CNBD1: variants seen among roughly 807,000 people sequenced by gnomAD.
The protein encoded by CNBD1 is cyclic nucleotide-binding domain-containing protein 1.
In CNBD1, 71 loss-of-function variants were observed where a neutral mutation model predicts 54.4. That is an observed-to-expected ratio of 1.30 (90% CI 1.08 to 1.59). The LOEUF is 1.59. CNBD1 is among the 40% of genes most tolerant of loss of function. CNBD1 has a pLI of 0.00. For synonymous variants in CNBD1, 182 were observed against 170.7 expected, an observed-to-expected ratio of 1.07 and a Z score of -0.51; for missense variants, 659 against 518.0, an observed-to-expected ratio of 1.27 and a Z score of -2.64.
rs73689983 is a variant in CNBD1, at chr8:86,997,452, G to C, written c.431+57698G>C. Among the ~76,000 whole-genome samples, 831 of 152,270 alleles carry C rather than the reference G, an allele frequency of 5.5e-3. 12 individuals are homozygous for C. The highest frequency in any genetic ancestry group is 0.019 in the African/African-American group (774 of 41,566). ...AATTTGTCAGTATTCACAATCCTTTGATTTGGTATTTCAGACTTTTAGTCC... is the reference window on the plus strand; with the variant it reads ...AATTTGTCAGTATTCACAATCCTTTCATTTGGTATTTCAGACTTTTAGTCC... On this transcript the variant is annotated intron_variant, in intron 4 of 10. Transcript: ENST00000518476.
At chr8:87,014,794 TAAA>T (rs200638035) in intron 4 of CNBD1, among the ~76,000 whole-genome samples, 1 of 141,254 alleles carries the variant, frequency 7.1e-6, no homozygotes, top group Admixed American at 7.1e-5. Context: ...TAAAACAAGG[TAAA>T]AAAAAAAAAT....
intron 4 of CNBD1, among the ~76,000 whole-genome samples, chr8:86,946,001 G>C (rs1392818964): frequency 6.6e-6 from 1 of 152,094 alleles, no homozygotes; most frequent in Admixed American, 6.5e-5. Context: ...ATGATCTTGG[G>C]CAAATTTCTA....
intron 4 of CNBD1, among the ~76,000 whole-genome samples, chr8:87,081,620 C>T (rs993263137): frequency 4.0e-5 from 6 of 151,780 alleles, no homozygotes; most frequent in African/African-American, 9.7e-5. Context: ...ATTCTCCTGC[C>T]GCAGCCTCCT....
In CNBD1 at chr8:87,137,310, C is replaced by CCT. The variant is rs1386357953; in HGVS notation, c.432-68681_432-68680dup. On this transcript the variant is annotated intron_variant, in intron 4 of 10. Transcript: ENST00000518476. ...CTCCTGGGTTCACACTATTCTCCTG[C>CCT]CTCAGCCTCCCGAGTAGCTGGGACT... Among the ~76,000 whole-genome samples the CCT allele has an allele frequency of 2.7e-5, 4 of 150,864 alleles. No individual in the cohort carries two copies. In the East Asian group the frequency reaches 7.8e-4, roughly 29 times the overall value.
chr8:87,106,701 A>C (rs1354193023), intron 4 of CNBD1, among the ~76,000 whole-genome samples: 1 of 152,092 alleles, frequency 6.6e-6, no homozygotes, highest in Non-Finnish European at 1.5e-5. Flanking sequence ...TACAAACCAC[A>C]CTTAACTATG....
At chr8:87,219,033 G>A (rs556100695) in intron 5 of CNBD1, among the ~76,000 whole-genome samples, 1 of 151,922 alleles carries the variant, frequency 6.6e-6, no homozygotes, top group African/African-American at 2.4e-5. Flanking sequence ...ATAAGAAACT[G>A]TTTTCCTTCT....
chr8:87,269,625 G>T (rs1808324557), intron 6 of CNBD1, among the ~76,000 whole-genome samples: 1 of 151,966 alleles, frequency 6.6e-6, no homozygotes, highest in Non-Finnish European at 1.5e-5. Flanking sequence ...TCATTGTGAA[G>T]ATCTTTTACC....
intron 4 of CNBD1, among the ~76,000 whole-genome samples, chr8:87,200,139 G>C (rs1308276349): frequency 6.6e-6 from 1 of 152,100 alleles, no homozygotes; most frequent in African/African-American, 2.4e-5. Context: ...CCAGCACAAA[G>C]ATAATGGGAA....
chr8:86,869,502 A>G (rs1304299120), intron 1 of CNBD1, among the ~76,000 whole-genome samples: 1 of 152,202 alleles, frequency 6.6e-6, no homozygotes, highest in African/African-American at 2.4e-5. Context: ...TGACTCTGAA[A>G]TTCAGACTCA....
At chr8:86,948,447 C>A (rs966625274) in intron 4 of CNBD1, among the ~76,000 whole-genome samples, 1 of 152,222 alleles carries the variant, frequency 6.6e-6, no homozygotes, top group Non-Finnish European at 1.5e-5. Flanking sequence ...GGATATAAAC[C>A]ATTTAAACTA....
intron 2 of CNBD1, among the ~76,000 whole-genome samples, chr8:87,409,814 G>A (rs1024029354): frequency 6.6e-6 from 1 of 152,000 alleles, no homozygotes; most frequent in East Asian, 1.9e-4. Context: ...CCAGATCTCA[G>A]GAATTCCAGA....
At chr8:86,869,796 T>G (rs999566785) in intron 1 of CNBD1, among the ~76,000 whole-genome samples, 7 of 152,288 alleles carry the variant, frequency 4.6e-5, no homozygotes, top group East Asian at 1.9e-4. Context: ...TGACCCATTA[T>G]TTTTATAAGT....
rs554754925 is a variant in CNBD1 at position 87,269,475 on chromosome 8, T to G, written c.772-15203T>G. Among the ~76,000 whole-genome samples the G allele has an allele frequency of 4.0e-3, 613 of 152,276 alleles. 5 individuals are homozygous for G. The highest frequency in any genetic ancestry group is 0.031 in the South Asian group (150 of 4,834). On this transcript the variant is annotated intron_variant, in intron 6 of 10. Coordinates refer to ENST00000518476, the MANE Select transcript of CNBD1 (RefSeq NM_173538.3). ...CTGTGAAAAAATGATGTTGGTAGTT[T>G]CATAGGAATAGCATTGACTATAATT...
chr8:87,332,446 G>T (rs1809855866), intron 8 of CNBD1, among the ~76,000 whole-genome samples: 1 of 151,910 alleles, frequency 6.6e-6, no homozygotes, highest in African/African-American at 2.4e-5. Flanking sequence ...CATAATAAAA[G>T]ATTTACCCAT....
chr8:86,945,557 A>G (rs937873667), intron 4 of CNBD1, among the ~76,000 whole-genome samples: 1 of 152,176 alleles, frequency 6.6e-6, no homozygotes, highest in Non-Finnish European at 1.5e-5. Context: ...AAAGAAAAAC[A>G]CTTTGTGGGG....
chr8:86,916,218 G>A (rs541472571), intron 3 of CNBD1, among the ~76,000 whole-genome samples: 1 of 152,176 alleles, frequency 6.6e-6, no homozygotes, highest in Non-Finnish European at 1.5e-5. Flanking sequence ...ACTGAGGCAA[G>A]TTTTAGAGCA....
At chr8:86,933,615 A>G (rs1263464596) in intron 3 of CNBD1, among the ~76,000 whole-genome samples, 1 of 152,186 alleles carries the variant, frequency 6.6e-6, no homozygotes, top group Non-Finnish European at 1.5e-5. Context: ...ATTCAGGATA[A>G]TGGTTACTTA....
At chr8:87,123,527 A>G (rs1423978527) in intron 4 of CNBD1, among the ~76,000 whole-genome samples, 3 of 151,812 alleles carry the variant, frequency 2.0e-5, no homozygotes, top group African/African-American at 4.8e-5. Context: ...AGCAGTCCTA[A>G]TAAGGACATT....
chr8:87,357,182 T>A (rs1040895789), intron 10 of CNBD1, among the ~76,000 whole-genome samples: 2 of 152,148 alleles, frequency 1.3e-5, no homozygotes, highest in African/African-American at 4.8e-5. Context: ...AGAGCCTCTA[T>A]AAGAGAAGTG....
Sources: gnomAD v4.1 joint callset for allele counts (sites outside exome capture counted in the v4.1 genomes callset) on GRCh38, gnomAD v4.1.1 for gene constraint, MANE v1.5 for transcripts, NCBI Gene and HGNC (gene_info 2026-07-23, HGNC 2026-07-21) for gene names.